Variants in NXPE2 observed in about 807,000 individuals in gnomAD.
The protein encoded by NXPE2 is neurexophilin and PC-esterase domain family member 2.
In NXPE2, 34 loss-of-function variants were observed where a neutral mutation model predicts 34.4. That is an observed-to-expected ratio of 0.99 (90% CI 0.75 to 1.31). NXPE2 has a LOEUF of 1.31. Among genes scored for constraint, NXPE2 ranks in the 40% most tolerant of loss-of-function variants. The pLI is 0.00. For missense variants in NXPE2, 649 were observed against 672.5 expected (o/e 0.97, Z 0.39); for synonymous variants, 235 against 231.3 (o/e 1.02, Z -0.15).
chr11:114,551,765 A>T, the NXPE2 span, among the ~76,000 whole-genome samples: 8 of 152,234 alleles, frequency 5.3e-5, no homozygotes, highest in African/African-American at 1.9e-4. Flanking sequence ...TAAAGAAGAG[A>T]TGATCCAATA....
the NXPE2 span, among the ~76,000 whole-genome samples, chr11:114,466,728 G>T: frequency 2.6e-4 from 40 of 152,180 alleles, no homozygotes; most frequent in African/African-American, 9.6e-4. Flanking sequence ...TTCCCAGTTT[G>T]GAACTGGCTT....
At chr11:114,612,399 C>T in the NXPE2 span, among the ~76,000 whole-genome samples, 2 of 151,892 alleles carry the variant, frequency 1.3e-5, no homozygotes, top group African/African-American at 4.8e-5. Flanking sequence ...TCATGTCTAA[C>T]CACTGTTACC....
the NXPE2 span, among the ~76,000 whole-genome samples, chr11:114,660,365 A>G: frequency 6.6e-6 from 1 of 152,002 alleles, no homozygotes; most frequent in Non-Finnish European, 1.5e-5. Context: ...TCCTCAACAA[A>G]GTATTAGCAA....
At chr11:114,766,590 CTGTTCCTTCTT>C in the NXPE2 span, among the ~76,000 whole-genome samples, 150 of 152,106 alleles carry the variant, frequency 9.9e-4, no homozygotes, top group Admixed American at 8.2e-3. Flanking sequence ...TCTCCCTTCT[CTGTTCCTTCTT>C]TCCCCTTCAT....
At chr11:114,551,345 G>T in the NXPE2 span, 1 of 1,401,206 alleles carries the variant, frequency 7.1e-7, no homozygotes, top group African/African-American at 1.5e-5. Flanking sequence ...CTTTCCCTCT[G>T]CTAACTAACA....
the NXPE2 span, among the ~76,000 whole-genome samples, chr11:114,787,172 C>A: frequency 2.1e-5 from 3 of 146,234 alleles, no homozygotes; most frequent in South Asian, 4.4e-4. Context: ...TCAACAGGCG[C>A]ACACACACAA....
the NXPE2 span, among the ~76,000 whole-genome samples, chr11:114,588,479 C>A: frequency 6.6e-6 from 1 of 152,138 alleles, no homozygotes; most frequent in African/African-American, 2.4e-5. Context: ...GAAAAACAGG[C>A]AGCTCTGCAG....
At chr11:114,521,909 A>G in the NXPE2 span, 53 of 1,276,494 alleles carry the variant, frequency 4.2e-5, no homozygotes, top group Non-Finnish European at 5.6e-5. Flanking sequence ...TTACTTTACA[A>G]TACATGTGGG....
the NXPE2 span, among the ~76,000 whole-genome samples, chr11:114,586,422 G>A: frequency 9.9e-5 from 15 of 152,216 alleles, no homozygotes; most frequent in African/African-American, 3.6e-4. Flanking sequence ...TTTATTTCAA[G>A]GCCTTCTGCT....
the NXPE2 span, chr11:114,529,145 T>C: frequency 4.2e-6 from 1 of 237,720 alleles, no homozygotes; most frequent in African/African-American, 2.2e-5. Flanking sequence ...GAAAGGGATT[T>C]CTGTGAACCT....
At chr11:114,640,258 T>C in the NXPE2 span, among the ~76,000 whole-genome samples, 4 of 142,762 alleles carry the variant, frequency 2.8e-5, no homozygotes, top group African/African-American at 1.0e-4. Flanking sequence ...ATATAAAATA[T>C]ATAGTATATA....
chr11:114,583,069 T>A, the NXPE2 span: 2 of 1,547,618 alleles, frequency 1.3e-6, no homozygotes, highest in Non-Finnish European at 1.7e-6. Context: ...TTAGAGCATA[T>A]CTGAACTGAA....
the NXPE2 span, among the ~76,000 whole-genome samples, chr11:114,733,247 A>C: frequency 0.093 from 14,125 of 151,894 alleles, 806 homozygotes; most frequent in Middle Eastern, 0.19. Context: ...GCGCCCACCA[A>C]CACGCCCGGC....
chr11:114,492,838 C>A, the NXPE2 span, among the ~76,000 whole-genome samples: 2 of 152,154 alleles, frequency 1.3e-5, no homozygotes, highest in Non-Finnish European at 1.5e-5. Flanking sequence ...TGCACCCAGC[C>A]TAAGTCCAAT....
At chr11:114,630,173 T>A in the NXPE2 span, among the ~76,000 whole-genome samples, 1 of 151,728 alleles carries the variant, frequency 6.6e-6, no homozygotes, top group African/African-American at 2.4e-5. Context: ...AAAAAACTAC[T>A]TTAAAGTTCA....
At chr11:114,629,100 G>A in the NXPE2 span, among the ~76,000 whole-genome samples, 29 of 152,156 alleles carry the variant, frequency 1.9e-4, no homozygotes, top group South Asian at 4.1e-3. Context: ...GGTACAAGGA[G>A]GAACTGGTAC....
the NXPE2 span, chr11:114,522,927 C>T: frequency 1.1e-5 from 18 of 1,613,274 alleles, no homozygotes; most frequent in African/African-American, 2.3e-4. Context: ...AGTGTAGAGT[C>T]TCCCAGGAGG....
At chr11:114,484,055 T>C in the NXPE2 span, among the ~76,000 whole-genome samples, 2 of 152,154 alleles carry the variant, frequency 1.3e-5, no homozygotes, top group Non-Finnish European at 2.9e-5. Context: ...TGCTCTTCCA[T>C]GGAGAACTTG....
At chr11:114,530,449 C>T in the NXPE2 span, 16 of 1,614,120 alleles carry the variant, frequency 9.9e-6, no homozygotes, top group Non-Finnish European at 1.4e-5. Flanking sequence ...GACGCCCCTT[C>T]ACTGGGGTGG....
Sources: gnomAD v4.1 joint callset for allele counts (sites outside exome capture counted in the v4.1 genomes callset) on GRCh38, gnomAD v4.1.1 for gene constraint, MANE v1.5 for transcripts, NCBI Gene and HGNC (gene_info 2026-07-23, HGNC 2026-07-21) for gene names.